GOLGA4: variants seen among roughly 807,000 people sequenced by gnomAD.
GOLGA4 encodes golgin subfamily A member 4.
GOLGA4 carries 169 observed loss-of-function variants against 265.9 expected under a neutral mutation model. The ratio of observed to expected loss-of-function variants is 0.64; its 90% CI spans 0.56 to 0.72. The LOEUF is 0.72. Ranked by LOEUF, GOLGA4 falls within the 30% of genes least tolerant of loss-of-function variation. The probability of loss-of-function intolerance (pLI) is 0.00; values close to 1 mark genes in which losing one functional copy is unlikely to be tolerated. For synonymous variants in GOLGA4, 923 were observed against 855.8 expected (o/e 1.08, Z -1.37); for missense variants, 2,482 against 2,483.4 (o/e 1.00, Z 0.01).
chr3:37,284,650 A>G (rs190988406), intron 3 of GOLGA4, among the ~76,000 whole-genome samples: 1 of 143,758 alleles, frequency 7.0e-6, no homozygotes, highest in Non-Finnish European at 1.5e-5. Context: ...TGCTAGACTC[A>G]CCTTCCATTG....
At chr3:37,296,037 A>T in intron 6 of GOLGA4, 50 bp from the exon 7 acceptor site, 1 of 1,526,950 alleles carries the variant, frequency 6.5e-7, no homozygotes, top group Non-Finnish European at 9.1e-7. Context: ...CAATTGTACT[A>T]CTCCCATAGT....
At position 37,302,295 on chromosome 3, in the gene GOLGA4, G is replaced by A. The variant is rs2096895166; in HGVS notation, c.1197G>A (p.Glu399=). 1 of 1,613,606 alleles carries A rather than the reference G, an allele frequency of 6.2e-7. No homozygotes were observed. Among genetic ancestry groups the A allele is most frequent in the Admixed American group, 1.7e-5 (1 of 59,982 alleles). The part of the protein sequence containing the change: ...SRIKQMTTQG[E]ELREQKEKSE... Reference sequence around the variant, plus strand: ...TCAAACAGATGACTACCCAGGGAGAGGAATTACGGGAACAGAAAGAAAAGT... The same window carrying A: ...TCAAACAGATGACTACCCAGGGAGAAGAATTACGGGAACAGAAAGAAAAGT... Residue 399 remains glutamate (E), a synonymous_variant, in exon 10 of 24, where the codon GAG becomes GAA. Coordinates refer to ENST00000361924, the MANE Select transcript of GOLGA4 (RefSeq NM_002078.5).
chr3:37,245,679 G>T (rs1422147663), intron 1 of GOLGA4, among the ~76,000 whole-genome samples: 1 of 152,030 alleles, frequency 6.6e-6, no homozygotes, highest in Non-Finnish European at 1.5e-5. Context: ...AATGCTTCTG[G>T]TGAGACAGGG....
chr3:37,366,303 G>C lies in GOLGA4; in HGVS notation c.*257G>C. On this transcript the variant is annotated 3_prime_UTR_variant, in exon 24 of 24. Transcript: ENST00000361924. ...AGTTTTTTCTTCAGTTTTCTCTTGGGAAGAGTTTTATGTTGTTTAAAAGAT... is the reference window on the plus strand; with the variant it reads ...AGTTTTTTCTTCAGTTTTCTCTTGGCAAGAGTTTTATGTTGTTTAAAAGAT... The C allele has an allele frequency of 2.3e-6, 1 of 443,362 alleles. No individual in the cohort carries two copies. The highest frequency in any genetic ancestry group is 4.0e-6 in the Non-Finnish European group (1 of 252,394). The allele number at this position is 443,362 out of a possible 1,614,324, so 27.5% of individuals were successfully genotyped here.
chr3:37,324,620 A>C lies in GOLGA4; in HGVS notation c.2734A>C (p.Met912Leu), dbSNP rs2096964605. 1 of 1,613,352 alleles carries C rather than the reference A, an allele frequency of 6.2e-7. No individual in the cohort carries two copies. The highest frequency in any genetic ancestry group is 2.2e-5 in the East Asian group (1 of 44,866). ...TKQILVEKEN[M>L]ILQMREGQKK... ...GCAAATCTTGGTGGAAAAGGAAAAT[A>C]TGATTTTACAAATGAGAGAAGGACA... The change falls in exon 14 of 24, where the codon ATG becomes CTG. Residue 912 changes from methionine to leucine, a missense_variant. Around this residue, in one of 3 missense-constraint regions of GOLGA4, gnomAD observed 1,536 missense variants for 1,483.7 expected, o/e 1.04. Transcript: ENST00000361924.
chr3:37,246,834 T>C (rs1239505049), intron 1 of GOLGA4, among the ~76,000 whole-genome samples: 1 of 152,144 alleles, frequency 6.6e-6, no homozygotes, highest in East Asian at 1.9e-4. Flanking sequence ...TCATCCCTTA[T>C]TTTTTTCCCT....
At chr3:37,274,099 CAA>C (rs34797146) in intron 2 of GOLGA4, among the ~76,000 whole-genome samples, 10 of 101,968 alleles carry the variant, frequency 9.8e-5, no homozygotes, top group Non-Finnish European at 7.8e-5. Flanking sequence ...GGCTCTGTCT[CAA>C]AAAAAAAAAA....
intron 2 of GOLGA4, among the ~76,000 whole-genome samples, chr3:37,267,177 T>C (rs1414581563): frequency 3.3e-5 from 5 of 152,250 alleles, no homozygotes; most frequent in Admixed American, 2.6e-4. Context: ...CTAATGTAGC[T>C]ACTTCAGTAA....
chr3:37,280,794 G>A (rs766697323), intron 2 of GOLGA4, among the ~76,000 whole-genome samples: 3 of 151,944 alleles, frequency 2.0e-5, no homozygotes, highest in Non-Finnish European at 4.4e-5. Flanking sequence ...ATAAACATTT[G>A]GGTTGTTTCC....
At chr3:37,330,196 C>T (rs1252901713) in intron 16 of GOLGA4, among the ~76,000 whole-genome samples, 2 of 146,354 alleles carry the variant, frequency 1.4e-5, no homozygotes, top group Non-Finnish European at 3.0e-5. Context: ...TTTAGTTCTA[C>T]TTTTTTTTTT....
rs377127985 is a variant in GOLGA4, at chr3:37,327,473, T to A, written c.5587T>A (p.Leu1863Ile). 3.1e-6 allele frequency: 5 copies of A among 1,613,094 alleles called. No individual in the cohort carries two copies. Among genetic ancestry groups the A allele is most frequent in the Middle Eastern group, 1.7e-4 (1 of 6,060 alleles). ...AAAGATAAAAGAGCTGGATTCCTGC[T>A]TAGTAAGACAGAAAGAAGTACATAG... ...EQKIKELDSC[L>I]VRQKEVHRVE... Residue 1863 changes from leucine (L) to isoleucine (I), a missense_variant, in exon 14 of 24, where the codon TTA becomes ATA. Coordinates refer to ENST00000361924, the MANE Select transcript of GOLGA4 (RefSeq NM_002078.5).
Position 37,324,050 on chromosome 3 carries a change from G to T in GOLGA4, c.2164G>T (p.Glu722Ter), listed in dbSNP as rs1361299875. The T allele has an allele frequency of 1.2e-6, 2 of 1,614,090 alleles. No homozygotes were observed. ...AACAGATAAAATGAAGCAGGAATTA[G>T]AGGCCAAGATGGATGAACAGAAAAA... ...DQTDKMKQEL[E>*]AKMDEQKNHH... Residue 722 changes from glutamate (E) to a stop codon, truncating the protein, a stop_gained, in exon 14 of 24, where the codon GAG (glutamate) becomes TAG (stop). Transcript: ENST00000361924. LOFTEE classifies it high-confidence loss of function.
At chr3:37,330,295 A>G (rs2096985956) in intron 16 of GOLGA4, among the ~76,000 whole-genome samples, 1 of 152,068 alleles carries the variant, frequency 6.6e-6, no homozygotes, top group African/African-American at 2.4e-5. Flanking sequence ...GTGATTCTTC[A>G]TTAGCTTTAC....
At chr3:37,353,742 C>T (rs1335008998) in intron 21 of GOLGA4, among the ~76,000 whole-genome samples, 2 of 151,926 alleles carry the variant, frequency 1.3e-5, no homozygotes, top group African/African-American at 4.8e-5. Context: ...ATAAAATAGC[C>T]ATAATCCTGG....
chr3:37,299,559 C>G (rs906910509), intron 9 of GOLGA4, among the ~76,000 whole-genome samples, 188 bp downstream of exon 9: 10 of 152,072 alleles, frequency 6.6e-5, no homozygotes, highest in African/African-American at 2.4e-4. Flanking sequence ...AAAACTGATT[C>G]TCTGATTTCT....
intron 2 of GOLGA4, among the ~76,000 whole-genome samples, chr3:37,278,813 CTTTT>C (rs1267375433): frequency 2.3e-5 from 3 of 131,380 alleles, no homozygotes; most frequent in Admixed American, 7.5e-5. Context: ...AGTTTGTTTA[CTTTT>C]TTTTTTTTTT....
intron 10 of GOLGA4, among the ~76,000 whole-genome samples, chr3:37,310,290 T>G (rs2096919561): frequency 6.6e-6 from 1 of 152,162 alleles, no homozygotes; most frequent in Non-Finnish European, 1.5e-5. Context: ...CTTATTATAA[T>G]TGATTAGGAT....
intron 2 of GOLGA4, among the ~76,000 whole-genome samples, chr3:37,271,058 C>G (rs1344306143): frequency 6.6e-6 from 1 of 152,046 alleles, no homozygotes; most frequent in Non-Finnish European, 1.5e-5. Flanking sequence ...GTTCGCACTT[C>G]TATGAATATC....
chr3:37,329,101 C>A lies in GOLGA4; in HGVS notation c.6192+8C>A. The A allele has an allele frequency of 2.5e-6, 4 of 1,584,122 alleles. No individual in the cohort carries two copies. Among genetic ancestry groups the A allele is most frequent in the Non-Finnish European group, 3.4e-6 (4 of 1,167,576 alleles). ...TATGAAGAAATCCTTGATGTTTGTA[C>A]CTTATTTCTTCTCTCTCACTTTTGA... On this transcript the variant is annotated splice_region_variant and intron_variant, in intron 16 of 23. Transcript: ENST00000361924.
Sources: gnomAD v4.1 joint callset for allele counts (sites outside exome capture counted in the v4.1 genomes callset) on GRCh38, gnomAD v4.1.1 for gene constraint, gnomAD v4.1.1 regional missense constraint, MANE v1.5 for transcripts, NCBI Gene and HGNC (gene_info 2026-07-23, HGNC 2026-07-21) for gene names.